Variants in PPP2R2B observed in about 807,000 individuals in gnomAD.
PPP2R2B encodes serine/threonine-protein phosphatase 2A 55 kDa regulatory subunit B beta isoform.
In PPP2R2B, 5 loss-of-function variants were observed where a neutral mutation model predicts 46.0. The ratio of observed to expected loss-of-function variants is 0.11; its 90% CI spans 0.06 to 0.23. The LOEUF (loss-of-function observed/expected upper bound fraction) is 0.23. Ranked by LOEUF, PPP2R2B falls within the 10% of genes least tolerant of loss-of-function variation. PPP2R2B has a pLI of 1.00. For synonymous variants in PPP2R2B, 215 were observed against 206.7 expected (o/e 1.04, Z -0.34); for missense variants, 367 against 575.0 (o/e 0.64, Z 3.70).
chr5:146,684,489 TCCTGATTAGATACCTGGC>T (rs1407499199), intron 5 of PPP2R2B, among the ~76,000 whole-genome samples: 5 of 152,216 alleles, frequency 3.3e-5, no homozygotes, highest in African/African-American at 1.2e-4. Flanking sequence ...AGCTGTGTGA[TCCTGATTAGATACCTGGC>T]CCCTCAGAGC....
chr5:146,856,736 G>A (rs1214394593), intron 2 of PPP2R2B, among the ~76,000 whole-genome samples: 1 of 152,006 alleles, frequency 6.6e-6, no homozygotes, highest in Admixed American at 6.6e-5. Flanking sequence ...AGGCTAACAA[G>A]GTAACACAAT....
At chr5:146,731,576 GA>G (rs1390557641) in intron 2 of PPP2R2B, among the ~76,000 whole-genome samples, 1 of 152,164 alleles carries the variant, frequency 6.6e-6, no homozygotes, top group Non-Finnish European at 1.5e-5. Flanking sequence ...AAGTCAGATG[GA>G]TCTGAGGGTC....
chr5:146,615,452 T>C lies in PPP2R2B; in HGVS notation c.791-14992A>G, dbSNP rs559670372. On this transcript the variant is annotated intron_variant, in intron 7 of 9. Transcript: ENST00000394411. ...CACCAGCATGGCACATGTATACATA[T>C]GTAACTAACCTGCACAATGTTCACA... 5.1e-3 allele frequency among the ~76,000 whole-genome samples: 582 copies of C among 113,720 alleles called. 10 individuals are homozygous for C. The highest frequency in any genetic ancestry group is 0.02 in the African/African-American group (543 of 26,932). 74.6% of individuals were successfully genotyped at this position (113,720 alleles called of 152,430 possible).
intron 1 of PPP2R2B, among the ~76,000 whole-genome samples, chr5:146,903,103 T>A (rs922818890): frequency 5.3e-5 from 8 of 152,182 alleles, no homozygotes; most frequent in Admixed American, 3.9e-4. Flanking sequence ...AAGAGATTTA[T>A]AAAAAACATA....
At chr5:146,983,103 T>C (rs1405752149) in intron 1 of PPP2R2B, among the ~76,000 whole-genome samples, 2 of 151,830 alleles carry the variant, frequency 1.3e-5, no homozygotes, top group South Asian at 2.1e-4. Flanking sequence ...ATTTTCTTTT[T>C]CTTAATTTCT....
intron 2 of PPP2R2B, among the ~76,000 whole-genome samples, chr5:146,826,452 G>T (rs1158568189): frequency 2.0e-5 from 3 of 152,180 alleles, no homozygotes; most frequent in East Asian, 3.9e-4. Context: ...GGAGGAGGGG[G>T]ATAAGGGAAA....
chr5:146,908,417 A>AT (rs201656527), intron 1 of PPP2R2B, among the ~76,000 whole-genome samples: 1 of 151,610 alleles, frequency 6.6e-6, no homozygotes, highest in Non-Finnish European at 1.5e-5. Context: ...TAAAAATTAA[A>AT]TTTTTTTTTC....
intron 2 of PPP2R2B, among the ~76,000 whole-genome samples, chr5:146,812,667 GTATATATATATATATATATATA>G (rs1186426182): frequency 1.6e-3 from 1 of 638 alleles, no homozygotes; most frequent in African/African-American, 2.7e-3. Context: ...CCTCAGAAGA[GTATATATATATATATATATATA>G]TATATATATA....
At chr5:146,597,013 A>G (rs1258117108) in intron 8 of PPP2R2B, among the ~76,000 whole-genome samples, 1 of 152,148 alleles carries the variant, frequency 6.6e-6, no homozygotes, top group African/African-American at 2.4e-5. Flanking sequence ...GTCACTCCAC[A>G]TGCCAGTGTT....
chr5:146,619,552 G>A (rs752058371), intron 7 of PPP2R2B, among the ~76,000 whole-genome samples: 11 of 152,204 alleles, frequency 7.2e-5, no homozygotes, highest in Non-Finnish European at 1.6e-4. Flanking sequence ...TGGGGCTCCA[G>A]CACAGCCAGA....
intron 2 of PPP2R2B, among the ~76,000 whole-genome samples, chr5:146,785,845 A>T (rs1755803850): frequency 6.6e-6 from 1 of 152,176 alleles, no homozygotes; most frequent in Non-Finnish European, 1.5e-5. Context: ...ATGGAGGTAG[A>T]TAGTAGAGTG....
chr5:147,075,254 A>G (rs1561615038), intron 2 of PPP2R2B, among the ~76,000 whole-genome samples: 1 of 152,200 alleles, frequency 6.6e-6, no homozygotes, highest in African/African-American at 2.4e-5. Flanking sequence ...AAATACAAGC[A>G]TTGCACACGG....
At chr5:146,669,815 G>A (rs1777230740) in intron 5 of PPP2R2B, among the ~76,000 whole-genome samples, 1 of 152,170 alleles carries the variant, frequency 6.6e-6, no homozygotes, top group East Asian at 1.9e-4. Context: ...CTCGGGATCA[G>A]CAGAACTAGG....
intron 2 of PPP2R2B, among the ~76,000 whole-genome samples, chr5:146,806,628 G>A (rs1314124159): frequency 6.6e-6 from 1 of 152,198 alleles, no homozygotes; most frequent in Non-Finnish European, 1.5e-5. Flanking sequence ...TAAAAATGAA[G>A]CAACAGAGGT....
At chr5:146,710,278 G>C (rs1197160349) in intron 2 of PPP2R2B, among the ~76,000 whole-genome samples, 1 of 152,158 alleles carries the variant, frequency 6.6e-6, no homozygotes, top group Non-Finnish European at 1.5e-5. Context: ...CACCATGCTT[G>C]CTGAGCTGTG....
chr5:146,666,510 C>G (rs774499493), intron 5 of PPP2R2B, among the ~76,000 whole-genome samples: 4 of 152,196 alleles, frequency 2.6e-5, no homozygotes, highest in Non-Finnish European at 5.9e-5. Flanking sequence ...CTTTAATGAG[C>G]ACAACTTTCT....
chr5:146,749,014 G>C, intron 2 of PPP2R2B, among the ~76,000 whole-genome samples: 1 of 152,144 alleles, frequency 6.6e-6, no homozygotes, highest in East Asian at 1.9e-4. Flanking sequence ...TATTCAGAAG[G>C]TACATTTTAC....
Position 146,582,152 on chromosome 5 carries a change from A to G in PPP2R2B, c.*7795T>C, listed in dbSNP as rs1769925719. On this transcript the variant is annotated 3_prime_UTR_variant, in exon 10 of 10. Transcript: ENST00000394411. ...GTATTAGGCATGTGCTCAGCTCTGA[A>G]AGATTTCTTTGGGGGTCTTGCCTTT... The G allele has an allele frequency of 6.6e-6, 1 of 152,160 alleles. No individual in the cohort carries two copies. Among genetic ancestry groups the G allele is most frequent in the Non-Finnish European group, 1.5e-5 (1 of 68,054 alleles). The allele number at this position is 152,160 out of a possible 1,614,324, so 9.4% of individuals were successfully genotyped here.
At chr5:146,979,430 C>G (rs1753063929) in intron 1 of PPP2R2B, among the ~76,000 whole-genome samples, 2 of 152,090 alleles carry the variant, frequency 1.3e-5, no homozygotes, top group South Asian at 4.1e-4. Context: ...AAGAAATTTA[C>G]TTATTTTGCT....
Sources: gnomAD v4.1 joint callset for allele counts (sites outside exome capture counted in the v4.1 genomes callset) on GRCh38, gnomAD v4.1.1 for gene constraint, MANE v1.5 for transcripts, NCBI Gene and HGNC (gene_info 2026-07-23, HGNC 2026-07-21) for gene names.